The following HEPHL1 variants were observed in gnomAD, a reference collection of about 807,000 sequenced individuals.
HEPHL1 encodes the protein ferroxidase HEPHL1.
Under a neutral mutation model 122.0 loss-of-function variants are expected in HEPHL1, and 123 were observed. That is an observed-to-expected ratio of 1.01 (90% CI 0.87 to 1.17). The LOEUF (loss-of-function observed/expected upper bound fraction) is 1.17, where lower values mean the gene tolerates loss of function less well. HEPHL1 is among the 50% of genes most tolerant of loss of function. The pLI is 0.00. For synonymous variants in HEPHL1, 527 were observed against 508.9 expected, an observed-to-expected ratio of 1.04 and a Z score of -0.48; for missense variants, 1,452 against 1,430.5, an observed-to-expected ratio of 1.01 and a Z score of -0.24.
At chr11:94,083,577 CTATT>C (rs1284693507) in intron 10 of HEPHL1, among the ~76,000 whole-genome samples, 2 of 152,216 alleles carry the variant, frequency 1.3e-5, no homozygotes, top group African/African-American at 4.8e-5. Flanking sequence ...AGCATAAAAT[CTATT>C]TATTGCCTTT....
Position 94,110,913 on chromosome 11 carries a change from C to T in HEPHL1, c.3056C>T (p.Ser1019Phe). 2 of 1,611,798 alleles carry T rather than the reference C, an allele frequency of 1.2e-6. No individual in the cohort carries two copies. The highest frequency in any genetic ancestry group is 2.2e-5 in the South Asian group (2 of 90,616). The change falls in exon 18 of 20, where the codon TCT becomes TTT. Residue 1019 changes from serine (S) to phenylalanine (F), a missense_variant. By Grantham distance (155) the Ser-to-Phe change is radical. Coordinates refer to ENST00000315765, the MANE Select transcript of HEPHL1 (RefSeq NM_001098672.2). Reference protein sequence around the residue: ...AESFLFKIDKSYREDVYDLFP... With the variant: ...AESFLFKIDKFYREDVYDLFP... ...AAAACGTTTTTGCAGATAGATAAAT[C>T]TTACCGAGAAGATGTGTATGATCTC... is the stretch of plus-strand genomic sequence containing the variant.
intron 17 of HEPHL1, among the ~76,000 whole-genome samples, chr11:94,109,715 T>A (rs1946434300): frequency 6.6e-6 from 1 of 152,210 alleles, no homozygotes; most frequent in South Asian, 2.1e-4. Flanking sequence ...GTATTATTCC[T>A]TTTTGTGGAA....
intron 1 of HEPHL1, among the ~76,000 whole-genome samples, chr11:94,023,396 G>A (rs765206922): frequency 6.6e-6 from 1 of 152,184 alleles, no homozygotes; most frequent in Non-Finnish European, 1.5e-5. Context: ...GACCAAACAA[G>A]TTATCTGGGT....
intron 17 of HEPHL1, 86 bp downstream of exon 17, chr11:94,106,216 C>A: frequency 1.9e-6 from 2 of 1,045,552 alleles, no homozygotes; most frequent in South Asian, 2.2e-5. Flanking sequence ...AGTTACTTGG[C>A]AATAATGCTT....
intron 13 of HEPHL1, among the ~76,000 whole-genome samples, 197 bp from the exon 14 acceptor site, chr11:94,100,998 A>T (rs7942313): frequency 0.63 from 95,534 of 152,118 alleles, 30,441 homozygotes; most frequent in Admixed American, 0.73. Context: ...AGCAGAATTT[A>T]AACCCATTGC....
intron 2 of HEPHL1, among the ~76,000 whole-genome samples, chr11:94,054,145 T>C (rs1945915367): frequency 6.6e-6 from 1 of 152,188 alleles, no homozygotes; most frequent in Admixed American, 6.6e-5. Context: ...TACAGATCTA[T>C]TTTCAAAGCA....
chr11:94,096,262 C>T (rs1291566164), intron 13 of HEPHL1, among the ~76,000 whole-genome samples: 1 of 152,154 alleles, frequency 6.6e-6, no homozygotes, highest in Non-Finnish European at 1.5e-5. Flanking sequence ...GTCTGTTCTG[C>T]AGCTATTGAG....
At chr11:94,082,698 C>G in intron 10 of HEPHL1, 130 bp downstream of exon 10, 1 of 789,792 alleles carries the variant, frequency 1.3e-6, no homozygotes, top group Non-Finnish European at 2.0e-6. Flanking sequence ...TAAGTTATTT[C>G]ATGCCTTCAG....
At chr11:94,074,024 C>T (rs1946100583) in intron 8 of HEPHL1, among the ~76,000 whole-genome samples, 1 of 152,100 alleles carries the variant, frequency 6.6e-6, no homozygotes, top group African/African-American at 2.4e-5. Context: ...AACTCTAATC[C>T]ATTCATGATA....
rs777572287 is a variant in HEPHL1, at chr11:94,064,485, T to C, written c.783T>C (p.Val261=). 1.9e-6 allele frequency: 3 copies of C among 1,612,984 alleles called. No individual in the cohort carries two copies. Among genetic ancestry groups the C allele is most frequent in the East Asian group, 4.5e-5 (2 of 44,856 alleles). ...NPDSVDKKDA[V]FQRSNKMHAL... ...ATTCAGTTGACAAGAAAGATGCTGT[T>C]TTCCAGAGGAGTAACAAAATGCATG... The change falls in exon 4 of 20, where the codon GTT becomes GTC. Residue 261 remains valine (V), a synonymous_variant. Transcript: ENST00000315765.
chr11:94,088,646 T>C, intron 11 of HEPHL1, 109 bp from the exon 12 acceptor site: 1 of 821,758 alleles, frequency 1.2e-6, no homozygotes, highest in East Asian at 2.7e-5. Flanking sequence ...ATTTTAAAAA[T>C]CCACCTAACT....
At chr11:94,028,962 C>T (rs1259464059) in intron 1 of HEPHL1, among the ~76,000 whole-genome samples, 2 of 147,156 alleles carry the variant, frequency 1.4e-5, no homozygotes, top group Admixed American at 1.4e-4. Flanking sequence ...TATTTCTATC[C>T]CTTCCCACTT....
chr11:94,070,557 T>C lies in HEPHL1; in HGVS notation c.1232+15T>C. ...GCCTCTGGCAGGTAAGCACCCTTTG[T>C]TGGTGTTTCTAAGCCTCTCGTCAGA... On this transcript the variant is annotated intron_variant, in intron 6 of 19. Coordinates refer to ENST00000315765, the MANE Select transcript of HEPHL1 (RefSeq NM_001098672.2). 6.3e-7 allele frequency: 1 copy of C among 1,593,708 alleles called. No homozygotes were observed. Among genetic ancestry groups the C allele is most frequent in the Non-Finnish European group, 8.6e-7 (1 of 1,167,068 alleles).
chr11:94,021,401 TCTC>T lies in HEPHL1; in HGVS notation c.37_39del (p.Leu13del). ...GGAAGCAGCCAGCTGGCTGCATCTT[TCTC>T]CTCACATTCCTGGGTCTGTCTGGGC... is the stretch of plus-strand genomic sequence containing the variant. On this transcript the variant is annotated inframe_deletion, in exon 1 of 20. Coordinates refer to ENST00000315765, the MANE Select transcript of HEPHL1 (RefSeq NM_001098672.2). The T allele has an allele frequency of 6.2e-7, 1 of 1,613,372 alleles. No individual in the cohort carries two copies. Among genetic ancestry groups the T allele is most frequent in the Non-Finnish European group, 8.5e-7 (1 of 1,179,646 alleles).
At chr11:94,039,061 G>A (rs1591464195) in intron 1 of HEPHL1, among the ~76,000 whole-genome samples, 1 of 80,588 alleles carries the variant, frequency 1.2e-5, no homozygotes, top group East Asian at 3.6e-4. Flanking sequence ...AAAAGGCAGG[G>A]GTTGCAATCC....
intron 11 of HEPHL1, among the ~76,000 whole-genome samples, chr11:94,088,072 A>G (rs768364839): frequency 6.6e-6 from 1 of 152,202 alleles, no homozygotes; most frequent in Non-Finnish European, 1.5e-5. Flanking sequence ...AGAAATATCT[A>G]TCTGATGCCA....
intron 1 of HEPHL1, among the ~76,000 whole-genome samples, chr11:94,022,535 C>T (rs1040563745): frequency 1.3e-5 from 2 of 152,174 alleles, no homozygotes; most frequent in Non-Finnish European, 1.5e-5. Flanking sequence ...GACCAAAGAT[C>T]CAGTTGGCTT....
chr11:94,106,977 A>T (rs1289140763), intron 17 of HEPHL1, among the ~76,000 whole-genome samples: 2 of 152,140 alleles, frequency 1.3e-5, no homozygotes, highest in African/African-American at 4.8e-5. Context: ...GGTGGTGCTC[A>T]CTGTACAGCA....
At position 94,038,219 on chromosome 11, in the gene HEPHL1, G is replaced by A. The variant is rs1237041624; in HGVS notation, c.171-7454G>A. Among the ~76,000 whole-genome samples, 6 of 151,388 alleles carry A rather than the reference G, an allele frequency of 4.0e-5. No homozygotes were observed. In the East Asian group the frequency reaches 1.2e-3, roughly 29 times the overall value. ...AAGCCTCCAAGAAATATGGGACTAT[G>A]TGAAAAGACCAAATTTACGTCCGAT... On this transcript the variant is annotated intron_variant, in intron 1 of 19. Coordinates refer to ENST00000315765, the MANE Select transcript of HEPHL1 (RefSeq NM_001098672.2).
Sources: allele counts gnomAD v4.1 joint callset (sites outside exome capture counted in the v4.1 genomes callset), GRCh38; gene constraint gnomAD v4.1.1; transcripts MANE v1.5; gene names NCBI Gene and HGNC (gene_info 2026-07-23, HGNC 2026-07-21).